ZFP64: variants seen among roughly 807,000 people sequenced by gnomAD.
ZFP64 encodes ZFP64 zinc finger protein.
A neutral mutation model predicts 51.6 loss-of-function variants in ZFP64; 14 were observed. The observed-to-expected ratio is 0.27, with a 90% CI of 0.18 to 0.42. The LOEUF is 0.42. Among genes scored for constraint, ZFP64 ranks in the 10% least tolerant of loss-of-function variants. The pLI, the probability that ZFP64 is intolerant of heterozygous loss-of-function variation, is 1.00. For synonymous variants in ZFP64, 375 were observed against 361.4 expected, an observed-to-expected ratio of 1.04 and a Z score of -0.43; for missense variants, 754 against 906.8, an observed-to-expected ratio of 0.83 and a Z score of 2.16.
At chr20:52,088,837 C>T (rs2078891422) in intron 7 of ZFP64, 1 of 764,788 alleles carries the variant, frequency 1.3e-6, no homozygotes, top group African/African-American at 1.8e-5. Context: ...TTCAGAAATC[C>T]TAAGGGAAAG....
intron 5 of ZFP64, chr20:52,098,726 AG>A: frequency 8.7e-7 from 1 of 1,151,836 alleles, no homozygotes. Context: ...CCATGTGACC[AG>A]GCGGGGTGGC....
intron 2 of ZFP64, 141 bp downstream of exon 2, chr20:52,186,691 C>G: frequency 8.2e-7 from 1 of 1,214,386 alleles, no homozygotes; most frequent in Non-Finnish European, 1.1e-6. Flanking sequence ...CAGCTGGCTT[C>G]CTGGTGGAGC....
At chr20:52,174,966 G>A (rs564027146) in intron 2 of ZFP64, among the ~76,000 whole-genome samples, 2 of 152,202 alleles carry the variant, frequency 1.3e-5, no homozygotes, top group South Asian at 4.2e-4. Context: ...CATGTAATTA[G>A]TGAGATTAAA....
At chr20:52,176,505 C>CTCT (rs1555810297) in intron 2 of ZFP64, among the ~76,000 whole-genome samples, 1 of 136,724 alleles carries the variant, frequency 7.3e-6, no homozygotes, top group Non-Finnish European at 1.6e-5. Context: ...TTCAATCTCT[C>CTCT]TTTTTTTTTT....
rs1243593491 is a variant in ZFP64 at position 52,152,163 on chromosome 20, C to T, written c.2029G>A (p.Asp677Asn). The change falls in exon 6 of 6, where the codon GAC becomes AAC. Residue 677 changes from aspartate to asparagine, a missense_variant. Asp to Asn is a conservative substitution (Grantham distance 23, BLOSUM62 1). Coordinates refer to ENST00000216923, the MANE Select transcript of ZFP64 (RefSeq NM_018197.3). ...TTTAAGCACTAATCTGGAATGGAGT[C>T]GGCGGGACAGAGCAAAGCTGGATGG... Reference protein sequence around the residue: ...AAHPALLCPADSIPD With the variant: ...AAHPALLCPANSIPD 4 of 1,613,786 alleles carry T rather than the reference C, an allele frequency of 2.5e-6. No individual in the cohort carries two copies. The highest frequency in any genetic ancestry group is 3.4e-6 in the Non-Finnish European group (4 of 1,179,752).
chr20:52,102,690 G>A (rs2079066081), intron 5 of ZFP64, among the ~76,000 whole-genome samples: 1 of 152,174 alleles, frequency 6.6e-6, no homozygotes, highest in African/African-American at 2.4e-5. Context: ...AACAGACTGG[G>A]AAACCAGCTG....
intron 5 of ZFP64, among the ~76,000 whole-genome samples, chr20:52,124,014 C>T (rs1001432089): frequency 6.6e-6 from 1 of 151,890 alleles, no homozygotes; most frequent in African/African-American, 2.4e-5. Flanking sequence ...GGACTACAGG[C>T]ACCCGCCACC....
chr20:52,146,821 A>G (rs1443311911), downstream of ZFP64, among the ~76,000 whole-genome samples: 1 of 152,228 alleles, frequency 6.6e-6, no homozygotes, highest in Non-Finnish European at 1.5e-5. Context: ...TATGTAGCAC[A>G]TGAACTAGAG....
intron 5 of ZFP64, chr20:52,110,768 G>A (rs1421954714): frequency 6.9e-6 from 11 of 1,594,570 alleles, no homozygotes; most frequent in African/African-American, 1.3e-5. Context: ...TCCCCCTCCC[G>A]GGAGAGGTAG....
chr20:52,175,871 C>A, intron 2 of ZFP64: 2 of 905,562 alleles, frequency 2.2e-6, no homozygotes, highest in African/African-American at 1.8e-5. Flanking sequence ...GCCGCCCCCG[C>A]CCCCAAAATA....
At chr20:52,156,376 C>G (rs986473737) in intron 5 of ZFP64, among the ~76,000 whole-genome samples, 10 of 152,198 alleles carry the variant, frequency 6.6e-5, no homozygotes, top group Admixed American at 1.3e-4. Context: ...GGCTTGTGCA[C>G]TGGGGCTTGC....
intron 5 of ZFP64, among the ~76,000 whole-genome samples, chr20:52,120,073 C>T (rs914402597): frequency 1.3e-5 from 2 of 152,062 alleles, no homozygotes; most frequent in Non-Finnish European, 2.9e-5. Context: ...GGAATTAGTG[C>T]CCTTATAAAA....
At chr20:52,107,970 A>C (rs1978353361) in intron 5 of ZFP64, among the ~76,000 whole-genome samples, 1 of 152,252 alleles carries the variant, frequency 6.6e-6, no homozygotes, top group Non-Finnish European at 1.5e-5. Flanking sequence ...TCATGCCTGT[A>C]GTTCTGGCAC....
chr20:52,169,676 T>C (rs1463732833), intron 2 of ZFP64, among the ~76,000 whole-genome samples: 1 of 152,134 alleles, frequency 6.6e-6, no homozygotes, highest in Non-Finnish European at 1.5e-5. Flanking sequence ...CCTTCTCAGA[T>C]GTATAATTTG....
chr20:52,102,107 C>CAAAAAAAAAAAAAAAAAAAAAA lies in ZFP64; in HGVS notation c.764-3521_764-3520insTTTTTTTTTTTTTTTTTTTTTT, dbSNP rs34646115. Among the ~76,000 whole-genome samples, 155 of 63,382 alleles carry CAAAAAAAAAAAAAAAAAAAAAA rather than the reference C, an allele frequency of 2.4e-3. 10 individuals carry two copies. The highest frequency in any genetic ancestry group is 5.0e-3 in the African/African-American group (74 of 14,698). The allele number at this position is 63,382 out of a possible 152,430, so 41.6% of individuals were successfully genotyped here. A position where few individuals can be genotyped will look rare whatever the true frequency, so the allele number is the denominator to read the frequency against. ...AGCCTGGTGAGAGTAACTCCATCTC[C>CAAAAAAAAAAAAAAAAAAAAAA]AAAAAAAAAAAAAAAAAAGGCAGCA... On this transcript the variant is annotated intron_variant, in intron 5 of 8. Coordinates refer to the ZFP64 transcript ENST00000361387.
intron 2 of ZFP64, among the ~76,000 whole-genome samples, chr20:52,167,320 T>C (rs560265792): frequency 1.1e-4 from 16 of 151,950 alleles, no homozygotes; most frequent in African/African-American, 3.9e-4. Flanking sequence ...AGCAAAACTC[T>C]GTCTCAAAAA....
intron 2 of ZFP64, among the ~76,000 whole-genome samples, chr20:52,169,602 C>A (rs1982551254): frequency 6.6e-6 from 1 of 152,194 alleles, no homozygotes; most frequent in Non-Finnish European, 1.5e-5. Flanking sequence ...TCTTAACTGT[C>A]CTCTACCATA....
At chr20:52,100,769 T>C (rs920675245) in intron 5 of ZFP64, among the ~76,000 whole-genome samples, 1 of 152,220 alleles carries the variant, frequency 6.6e-6, no homozygotes, top group African/African-American at 2.4e-5. Flanking sequence ...GCAAGCTACT[T>C]AACCTTTCTG....
intron 2 of ZFP64, among the ~76,000 whole-genome samples, chr20:52,183,847 A>G (rs755324871): frequency 1.1e-4 from 17 of 152,156 alleles, no homozygotes; most frequent in Non-Finnish European, 2.1e-4. Flanking sequence ...TCATAAGGGG[A>G]AAGTTGGTTT....
Sources: gnomAD v4.1 joint callset for allele counts (sites outside exome capture counted in the v4.1 genomes callset) on GRCh38, gnomAD v4.1.1 for gene constraint, MANE v1.5 for transcripts, NCBI Gene and HGNC (gene_info 2026-07-23, HGNC 2026-07-21) for gene names.